The following CAMTA1 variants were observed in gnomAD, a reference collection of about 807,000 sequenced individuals.
The protein encoded by CAMTA1 is calmodulin-binding transcription activator 1.
Under a neutral mutation model 170.9 loss-of-function variants are expected in CAMTA1, and 27 were observed. That is an observed-to-expected ratio of 0.16 (90% CI 0.12 to 0.22). The LOEUF (loss-of-function observed/expected upper bound fraction) is 0.22, where lower values mean the gene tolerates loss of function less well. CAMTA1 is among the 10% of genes least tolerant of loss of function. CAMTA1 has a pLI of 1.00. For missense variants in CAMTA1, 1,619 were observed against 2,217.2 expected, an observed-to-expected ratio of 0.73 and a Z score of 5.42; for synonymous variants, 833 against 891.5, an observed-to-expected ratio of 0.93 and a Z score of 1.17.
chr1:7,291,829 C>T (rs1390441359), intron 5 of CAMTA1, among the ~76,000 whole-genome samples: 1 of 152,206 alleles, frequency 6.6e-6, no homozygotes, highest in African/African-American at 2.4e-5. Context: ...TCTAGAGGTA[C>T]ATTCCTCCTT....
intron 5 of CAMTA1, among the ~76,000 whole-genome samples, chr1:7,347,177 G>T (rs1026082047): frequency 6.6e-6 from 1 of 152,186 alleles, no homozygotes; most frequent in Non-Finnish European, 1.5e-5. Context: ...GCGGCGGATG[G>T]TTCTCAGAAA....
intron 6 of CAMTA1, among the ~76,000 whole-genome samples, chr1:7,501,269 G>A (rs2094001242): frequency 6.6e-6 from 1 of 152,178 alleles, no homozygotes; most frequent in Admixed American, 6.5e-5. Flanking sequence ...AGGGCGGGAG[G>A]CAGATTGCTG....
Position 7,609,821 on chromosome 1 carries a change from C to T in CAMTA1, c.511-30579C>T, listed in dbSNP as rs4317830. The stretch of plus-strand genomic sequence containing the variant: ...GGGCACCTGTGAACACGTGTGAGTG[C>T]CAGGAACTGAGGTTCCTGGCATCCG... On this transcript the variant is annotated intron_variant, in intron 6 of 22. Transcript: ENST00000303635. The surrounding 1 kb of genome is among the most constrained non-coding windows in gnomAD (Gnocchi z 4.4). 0.11 allele frequency among the ~76,000 whole-genome samples: 16,723 copies of T among 152,220 alleles called. 1,082 individuals are homozygous for T. Among genetic ancestry groups the T allele is most frequent in the Non-Finnish European group, 0.13 (8,845 of 68,000 alleles).
At chr1:7,237,627 G>A (rs970812691) in intron 4 of CAMTA1, among the ~76,000 whole-genome samples, 2 of 152,140 alleles carry the variant, frequency 1.3e-5, no homozygotes, top group African/African-American at 2.4e-5. Flanking sequence ...ATATCCACAC[G>A]CAAAACGTCT....
chr1:7,597,808 T>G (rs899763525), intron 6 of CAMTA1, among the ~76,000 whole-genome samples: 4 of 152,182 alleles, frequency 2.6e-5, no homozygotes, highest in Non-Finnish European at 5.9e-5. Context: ...GTCTAGTGAT[T>G]TAAATATATT....
chr1:6,914,197 C>T (rs11120784), intron 3 of CAMTA1, among the ~76,000 whole-genome samples: 70,315 of 150,724 alleles, frequency 0.47, 17,315 homozygotes, highest in Non-Finnish European at 0.56. Context: ...CTCTGCCTCC[C>T]GGGTTCAAGT....
rs933223052 is a variant in CAMTA1, at chr1:7,299,724, G to A, written c.438+50098G>A. On this transcript the variant is annotated intron_variant, in intron 5 of 22. Coordinates refer to ENST00000303635, the MANE Select transcript of CAMTA1 (RefSeq NM_015215.4). This position sits in a 1 kb window ranked among gnomAD's most constrained non-coding sequence, Gnocchi z 4.7. ...ACAAGCAGGGACTGTGGGTGAGAGG[G>A]TACAAGGAGGTGTTCCAACCCCTCA... Among the ~76,000 whole-genome samples the A allele has an allele frequency of 3.0e-4, 46 of 152,296 alleles. No individual in the cohort carries two copies. The highest frequency in any genetic ancestry group is 1.1e-3 in the African/African-American group (44 of 41,550).
In CAMTA1 at chr1:7,598,813, C is replaced by G. The variant is rs527327014; in HGVS notation, c.511-41587C>G. On this transcript the variant is annotated intron_variant, in intron 6 of 22. Coordinates refer to ENST00000303635, the MANE Select transcript of CAMTA1 (RefSeq NM_015215.4). Reference sequence around the variant, plus strand: ...TTGTTTTTTTCTTGTAAATTTGTTTCAGTTCATTGTAGATTCTGGATATTA... The same window carrying G: ...TTGTTTTTTTCTTGTAAATTTGTTTGAGTTCATTGTAGATTCTGGATATTA... 7.4e-3 allele frequency among the ~76,000 whole-genome samples: 1,124 copies of G among 151,620 alleles called. 12 individuals carry two copies. The highest frequency in any genetic ancestry group is 0.042 in the South Asian group (198 of 4,768).
At chr1:7,533,284 G>A (rs1370615168) in intron 6 of CAMTA1, among the ~76,000 whole-genome samples, 6 of 152,208 alleles carry the variant, frequency 3.9e-5, no homozygotes, top group African/African-American at 1.4e-4. Context: ...GCACAGGCCG[G>A]CTGTGCCCTC....
chr1:6,893,947 A>T (rs1296328133), intron 3 of CAMTA1, among the ~76,000 whole-genome samples: 2 of 152,220 alleles, frequency 1.3e-5, no homozygotes, highest in African/African-American at 4.8e-5. Flanking sequence ...TCAGCTGTAG[A>T]TGGGCACTTC....
chr1:7,171,933 A>G (rs553723177), intron 4 of CAMTA1, among the ~76,000 whole-genome samples: 1 of 152,332 alleles, frequency 6.6e-6, no homozygotes, highest in East Asian at 1.9e-4. Context: ...GTTGTCGCAC[A>G]TGTCAGTGCT....
intron 6 of CAMTA1, among the ~76,000 whole-genome samples, chr1:7,617,692 C>T (rs1484025978): frequency 7.7e-6 from 1 of 129,318 alleles, no homozygotes; most frequent in Admixed American, 8.0e-5. Flanking sequence ...CATGCACACC[C>T]ACCCCCCCAC....
chr1:7,344,209 T>A (rs753761951), intron 5 of CAMTA1, among the ~76,000 whole-genome samples: 97 of 152,254 alleles, frequency 6.4e-4, no homozygotes, highest in Non-Finnish European at 1.1e-3. Flanking sequence ...GGCCTGGGCC[T>A]CTTTCTCCCT....
At chr1:6,980,064 T>A (rs1328713614) in intron 3 of CAMTA1, among the ~76,000 whole-genome samples, 1 of 152,204 alleles carries the variant, frequency 6.6e-6, no homozygotes, top group East Asian at 1.9e-4. Flanking sequence ...CTTACCCCCA[T>A]GAGCTTTTCT....
At chr1:7,274,620 C>T (rs750457821) in intron 5 of CAMTA1, among the ~76,000 whole-genome samples, 1 of 152,122 alleles carries the variant, frequency 6.6e-6, no homozygotes, top group Non-Finnish European at 1.5e-5. Flanking sequence ...AAATACCCAA[C>T]AGTGGCAGAA....
intron 5 of CAMTA1, among the ~76,000 whole-genome samples, chr1:7,357,863 C>T (rs2085245598): frequency 6.6e-6 from 1 of 152,134 alleles, no homozygotes; most frequent in African/African-American, 2.4e-5. Context: ...AGCTTGGGGT[C>T]CCTGCTCCCA....
intron 5 of CAMTA1, among the ~76,000 whole-genome samples, chr1:7,290,334 T>C (rs568420505): frequency 6.6e-6 from 1 of 152,336 alleles, no homozygotes; most frequent in Admixed American, 6.5e-5. Flanking sequence ...CCATGTTCTC[T>C]TTCCTTACGG....
chr1:7,750,948 G>A (rs747176701), intron 19 of CAMTA1: 3 of 636,194 alleles, frequency 4.7e-6, no homozygotes, highest in Non-Finnish European at 8.6e-6. Flanking sequence ...TCTCCAAGAA[G>A]GGCAAGATAT....
chr1:6,796,558 AT>A (rs907530484), intron 1 of CAMTA1, among the ~76,000 whole-genome samples: 5 of 151,780 alleles, frequency 3.3e-5, no homozygotes, highest in South Asian at 2.1e-4. Context: ...ATGGATTTAG[AT>A]TTTTTTTTGG....
Sources: gnomAD v4.1 joint callset for allele counts (sites outside exome capture counted in the v4.1 genomes callset) on GRCh38, gnomAD v4.1.1 for gene constraint, Gnocchi (gnomAD v3.1) non-coding constraint, MANE v1.5 for transcripts, NCBI Gene and HGNC (gene_info 2026-07-23, HGNC 2026-07-21) for gene names.